Variants in TRHDE observed in about 807,000 individuals in gnomAD.
TRHDE encodes thyrotropin releasing hormone degrading enzyme.
In TRHDE, 72 loss-of-function variants were observed where a neutral mutation model predicts 125.7. The ratio of observed to expected loss-of-function variants is 0.57; its 90% CI spans 0.47 to 0.70. The LOEUF (loss-of-function observed/expected upper bound fraction) is 0.70, where lower values mean the gene tolerates loss of function less well. TRHDE is among the 30% of genes least tolerant of loss of function. The pLI is 0.00. For missense variants in TRHDE, 1,110 were observed against 1,327.1 expected, an observed-to-expected ratio of 0.84 and a Z score of 2.54; for synonymous variants, 509 against 509.1, an observed-to-expected ratio of 1.00 and a Z score of 0.00.
At chr12:72,629,984 T>C (rs994223996) in intron 15 of TRHDE, among the ~76,000 whole-genome samples, 1 of 150,848 alleles carries the variant, frequency 6.6e-6, no homozygotes, top group Non-Finnish European at 1.5e-5. Context: ...AAAAATATGG[T>C]AAAATATGGA....
At chr12:72,482,803 G>A (rs1018408703) in intron 5 of TRHDE, among the ~76,000 whole-genome samples, 3 of 151,842 alleles carry the variant, frequency 2.0e-5, no homozygotes, top group Non-Finnish European at 4.4e-5. Context: ...TTGCATGACT[G>A]GTCCAATTTG....
chr12:72,493,671 C>T (rs186894680), intron 5 of TRHDE, among the ~76,000 whole-genome samples: 1,589 of 152,010 alleles, frequency 0.01, 23 homozygotes, highest in African/African-American at 0.037. Flanking sequence ...GCCTATCTTC[C>T]TTTTCTCATT....
chr12:72,398,124 A>T (rs918148487), intron 3 of TRHDE, among the ~76,000 whole-genome samples: 7 of 151,858 alleles, frequency 4.6e-5, no homozygotes, highest in African/African-American at 1.7e-4. Context: ...GAGAATGATG[A>T]TTTCCAATTT....
chr12:72,535,676 ATAT>A (rs1868821061), intron 6 of TRHDE, among the ~76,000 whole-genome samples: 1 of 151,784 alleles, frequency 6.6e-6, no homozygotes, highest in South Asian at 2.1e-4. Flanking sequence ...TATAGCTATC[ATAT>A]TATTATGGAA....
chr12:72,205,051 G>A (rs1017892020), intron 2 of TRHDE, among the ~76,000 whole-genome samples: 1 of 152,166 alleles, frequency 6.6e-6, no homozygotes, highest in Non-Finnish European at 1.5e-5. Flanking sequence ...TACAGATAAT[G>A]GAAAAGATGT....
Position 72,462,760 on chromosome 12 carries a change from G to A in TRHDE, c.1316-6998G>A, listed in dbSNP as rs117320558. The stretch of plus-strand genomic sequence containing the variant: ...TCTGTTATTCTTTAACATACCATGT[G>A]TAATTTTCATGATAGCCCCAATTGC... On this transcript the variant is annotated intron_variant, in intron 3 of 18. Transcript: ENST00000261180. Among the ~76,000 whole-genome samples, 376 of 152,222 alleles carry A rather than the reference G, an allele frequency of 2.5e-3. 6 individuals are homozygous for A. In the East Asian group the frequency reaches 0.026, roughly 10 times the overall value.
At chr12:72,223,698 A>G (rs965788437) in intron 2 of TRHDE, among the ~76,000 whole-genome samples, 1 of 152,070 alleles carries the variant, frequency 6.6e-6, no homozygotes, top group Non-Finnish European at 1.5e-5. Flanking sequence ...AAAGATCTTA[A>G]TTTTCTCCAA....
At position 72,334,965 on chromosome 12, in the gene TRHDE, C is replaced by T. The variant is rs571669354; in HGVS notation, c.1189-43030C>T. On this transcript the variant is annotated intron_variant, in intron 2 of 18. Coordinates refer to ENST00000261180, the MANE Select transcript of TRHDE (RefSeq NM_013381.3). ...ATAGGATCTTCGTCACTTTTAAGTT[C>T]GCAGGCAAATGCCAGAATGATCCCT... Among the ~76,000 whole-genome samples the T allele has an allele frequency of 9.9e-5, 15 of 152,198 alleles. No individual in the cohort carries two copies. The East Asian group carries it at 1.6e-3, about 16-fold the overall frequency.
chr12:72,299,102 G>C (rs1018153039), intron 2 of TRHDE, among the ~76,000 whole-genome samples: 22 of 152,184 alleles, frequency 1.4e-4, no homozygotes, highest in Non-Finnish European at 2.8e-4. Context: ...TATAGGATTT[G>C]ATATCAAATT....
chr12:72,480,109 G>A (rs1335780509), intron 5 of TRHDE, among the ~76,000 whole-genome samples: 21 of 150,930 alleles, frequency 1.4e-4, no homozygotes, highest in Admixed American at 1.3e-3. Flanking sequence ...TGTGAATAGT[G>A]CCGCAATAAA....
In TRHDE at chr12:72,583,153, A is replaced by G. The variant is rs573027263; in HGVS notation, c.2321+7611A>G. Among the ~76,000 whole-genome samples, 45 of 152,340 alleles carry G rather than the reference A, an allele frequency of 3.0e-4. No homozygotes were observed. The South Asian group carries it at 6.4e-3, about 22-fold the overall frequency. ...TTATCTTTTGTTAAACCACCAGAAT[A>G]TGTGTGCAAAAGGATAAATATTAAA... On this transcript the variant is annotated intron_variant, in intron 12 of 18. Transcript: ENST00000261180.
chr12:72,637,018 T>G (rs888810402), intron 15 of TRHDE, among the ~76,000 whole-genome samples: 3 of 152,200 alleles, frequency 2.0e-5, no homozygotes, highest in Admixed American at 2.0e-4. Context: ...GCTGGCCTCA[T>G]AAATGAGTTA....
intron 2 of TRHDE, among the ~76,000 whole-genome samples, chr12:72,370,377 C>T (rs1871521669): frequency 6.6e-6 from 1 of 152,116 alleles, no homozygotes; most frequent in Admixed American, 6.6e-5. Flanking sequence ...TCCTCCTAAT[C>T]CATCATCTTC....
intron 3 of TRHDE, among the ~76,000 whole-genome samples, chr12:72,468,558 G>A (rs615813): frequency 0.42 from 63,466 of 152,096 alleles, 16,274 homozygotes; most frequent in African/African-American, 0.72. Context: ...CATTGTGATT[G>A]AAAGCACAGG....
exon 2 of TRHDE, chr12:72,105,715 A>G (rs1181720756): frequency 2.6e-5 from 4 of 152,146 alleles, no homozygotes; most frequent in African/African-American, 9.7e-5. Context: ...GTCTGACTCC[A>G]AGTCTGTGCT....
At chr12:72,209,294 A>G (rs1364147674) in intron 2 of TRHDE, among the ~76,000 whole-genome samples, 1 of 152,160 alleles carries the variant, frequency 6.6e-6, no homozygotes, top group Non-Finnish European at 1.5e-5. Context: ...CCTCCCTCTG[A>G]CCATATGCAC....
At chr12:72,617,508 A>G (rs1185994658) in intron 12 of TRHDE, among the ~76,000 whole-genome samples, 2 of 152,160 alleles carry the variant, frequency 1.3e-5, no homozygotes, top group Admixed American at 6.6e-5. Flanking sequence ...ACAAATACAA[A>G]GGTCCATCTA....
chr12:72,482,486 G>T (rs1321306096), intron 5 of TRHDE, among the ~76,000 whole-genome samples: 1 of 151,798 alleles, frequency 6.6e-6, no homozygotes, highest in Non-Finnish European at 1.5e-5. Flanking sequence ...AACATATTTT[G>T]TAATGTTTGC....
At chr12:72,138,023 C>T (rs1384744115) in intron 2 of TRHDE, among the ~76,000 whole-genome samples, 1 of 152,174 alleles carries the variant, frequency 6.6e-6, no homozygotes, top group African/African-American at 2.4e-5. Context: ...AATTCCTGGG[C>T]CTCGCCCCAG....
Sources: allele counts gnomAD v4.1 joint callset (sites outside exome capture counted in the v4.1 genomes callset), GRCh38; gene constraint gnomAD v4.1.1; transcripts MANE v1.5; gene names NCBI Gene and HGNC (gene_info 2026-07-23, HGNC 2026-07-21).